Variants in SYT14 observed in about 807,000 individuals in gnomAD.
The protein encoded by SYT14 is synaptotagmin 14, also known as synaptotagmin-14.
SYT14 carries 32 observed loss-of-function variants against 74.2 expected under a neutral mutation model. The ratio of observed to expected loss-of-function variants is 0.43; its 90% CI spans 0.33 to 0.58. SYT14 has a LOEUF of 0.58. Among genes scored for constraint, SYT14 ranks in the 20% least tolerant of loss-of-function variants. The pLI, the probability that SYT14 is intolerant of heterozygous loss-of-function variation, is 0.05. For synonymous variants in SYT14, 298 were observed against 337.7 expected (o/e 0.88, Z 1.29); for missense variants, 791 against 981.8 (o/e 0.81, Z 2.60).
chr1:209,981,169 G>C (rs1001575685), intron 2 of SYT14, among the ~76,000 whole-genome samples: 1 of 151,876 alleles, frequency 6.6e-6, no homozygotes, highest in Non-Finnish European at 1.5e-5. Context: ...ACTTCCCTTA[G>C]CTTTTTGCTT....
At chr1:210,037,389 C>T (rs2080688683) in intron 5 of SYT14, among the ~76,000 whole-genome samples, 1 of 151,878 alleles carries the variant, frequency 6.6e-6, no homozygotes, top group Admixed American at 6.6e-5. Context: ...GTTTCATTTG[C>T]ATGATCCTTT....
chr1:210,113,798 C>T (rs1306640270), intron 7 of SYT14, among the ~76,000 whole-genome samples: 1 of 151,142 alleles, frequency 6.6e-6, no homozygotes, highest in African/African-American at 2.5e-5. Context: ...AATAAGGGAG[C>T]TGGGCAGGTG....
rs35974726 is a variant in SYT14, at chr1:210,169,221, G to GTTTTT, written c.*8205_*8209dup. The stretch of plus-strand genomic sequence containing the variant: ...CTTTTTTGGTTTTTATGTTTTTGGT[G>GTTTTT]TTTTTTTTTTTTTTTTTTTTTTTTT... On this transcript the variant is annotated 3_prime_UTR_variant, in exon 10 of 10. Transcript: ENST00000637265. 6.3e-3 allele frequency: 315 copies of GTTTTT among 50,210 alleles called. 5 individuals are homozygous for GTTTTT. The highest frequency in any genetic ancestry group is 8.1e-3 in the Non-Finnish European group (213 of 26,178). 3.1% of individuals were successfully genotyped at this position (50,210 alleles called of 1,614,324 possible).
intron 7 of SYT14, 119 bp from the exon 7 acceptor site, chr1:210,155,602 G>A: frequency 9.3e-7 from 1 of 1,075,350 alleles, no homozygotes; most frequent in Non-Finnish European, 1.4e-6. Context: ...CTGGTGTTTG[G>A]TTTGCAACTC....
rs763542175 is a variant in SYT14 at position 210,160,919 on chromosome 1, G to GTC, written c.2472_2473insTC (p.Met825SerfsTer2). On this transcript the variant is annotated frameshift_variant, in exon 10 of 10. Transcript: ENST00000637265. LOFTEE classifies it high-confidence loss of function. ...ACAAACGCAGCATGAAAAGAAAAGA[G>GTC]ATGATAGGCTGGATTTCTTTAGGTC... is the stretch of plus-strand genomic sequence containing the variant. The GTC allele has an allele frequency of 6.2e-7, 1 of 1,614,042 alleles. No individual in the cohort carries two copies. The highest frequency in any genetic ancestry group is 1.7e-5 in the Admixed American group (1 of 60,008).
intron 5 of SYT14, among the ~76,000 whole-genome samples, chr1:210,056,659 C>CAAAAAAACAAAAAAAA (rs2081102931): frequency 1.3e-5 from 1 of 79,394 alleles, no homozygotes; most frequent in Non-Finnish European, 2.3e-5. Context: ...ACTAAAAATA[C>CAAAAAAACAAAAAAAA]AAAAAAAAAA....
At chr1:210,099,334 T>C (rs1406722185) in intron 6 of SYT14, among the ~76,000 whole-genome samples, 1 of 152,228 alleles carries the variant, frequency 6.6e-6, no homozygotes, top group Non-Finnish European at 1.5e-5. Context: ...CTTGAACTTT[T>C]AAAATGTGTG....
chr1:210,004,177 G>T (rs779049776), intron 2 of SYT14, among the ~76,000 whole-genome samples: 1 of 151,738 alleles, frequency 6.6e-6, no homozygotes, highest in Admixed American at 6.6e-5. Context: ...TTAGTGTTTG[G>T]CTCCTAATGG....
intron 2 of SYT14, among the ~76,000 whole-genome samples, chr1:210,003,094 C>T (rs1177033785): frequency 6.6e-6 from 1 of 152,114 alleles, no homozygotes; most frequent in Non-Finnish European, 1.5e-5. Flanking sequence ...GATCTATAGT[C>T]TATCTAGAAT....
At chr1:209,984,649 A>G (rs2079541829) in intron 2 of SYT14, among the ~76,000 whole-genome samples, 1 of 152,160 alleles carries the variant, frequency 6.6e-6, no homozygotes, top group African/African-American at 2.4e-5. Context: ...GTTGTCTTTC[A>G]ACATGTGTGT....
At chr1:210,137,489 TC>T (rs2082810755) in intron 7 of SYT14, among the ~76,000 whole-genome samples, 1 of 151,982 alleles carries the variant, frequency 6.6e-6, no homozygotes, top group Non-Finnish European at 1.5e-5. Context: ...GAATTAAGAG[TC>T]CAGAATCCTA....
chr1:210,063,774 G>A (rs1461832934), intron 5 of SYT14, among the ~76,000 whole-genome samples: 2 of 150,246 alleles, frequency 1.3e-5, no homozygotes, highest in Non-Finnish European at 2.9e-5. Flanking sequence ...TTTTTATTGT[G>A]TGATGGACTT....
intron 4 of SYT14, among the ~76,000 whole-genome samples, chr1:210,020,174 A>G (rs1418072647): frequency 6.6e-6 from 1 of 152,102 alleles, no homozygotes; most frequent in African/African-American, 2.4e-5. Context: ...TCATAACATG[A>G]TATTGTAGTT....
intron 5 of SYT14, among the ~76,000 whole-genome samples, chr1:210,088,363 T>A (rs846545): frequency 6.6e-6 from 1 of 151,632 alleles, no homozygotes; most frequent in Non-Finnish European, 1.5e-5. Flanking sequence ...TCCCACTTGC[T>A]GACAGGCCGT....
At chr1:209,981,034 G>C (rs1051460291) in intron 2 of SYT14, among the ~76,000 whole-genome samples, 2 of 152,040 alleles carry the variant, frequency 1.3e-5, no homozygotes, top group African/African-American at 4.8e-5. Flanking sequence ...AAATTACTTT[G>C]GGCAGTATGA....
At chr1:210,072,621 A>G (rs1408460603) in intron 5 of SYT14, among the ~76,000 whole-genome samples, 1 of 152,090 alleles carries the variant, frequency 6.6e-6, no homozygotes, top group African/African-American at 2.4e-5. Context: ...ACTTAGTTTC[A>G]TACTGATACA....
rs556652864 is a variant in SYT14 at position 210,156,438 on chromosome 1, G to A, written c.2224+528G>A. 7.9e-5 allele frequency among the ~76,000 whole-genome samples: 12 copies of A among 151,836 alleles called. No individual in the cohort carries two copies. In the South Asian group the frequency reaches 1.5e-3, roughly 18 times the overall value. ...ACTTTTCTTAGATGGAATGGGCTTTGCTCTTACCAGGACAAACAGAATAAG... is the reference window on the plus strand; with the variant it reads ...ACTTTTCTTAGATGGAATGGGCTTTACTCTTACCAGGACAAACAGAATAAG... On this transcript the variant is annotated intron_variant, in intron 8 of 9. Transcript: ENST00000637265.
intron 8 of SYT14, among the ~76,000 whole-genome samples, 176 bp from the exon 8 acceptor site, chr1:210,159,245 A>G (rs1393010618): frequency 6.6e-6 from 1 of 152,148 alleles, no homozygotes; most frequent in Non-Finnish European, 1.5e-5. Flanking sequence ...ATCCCATTAA[A>G]TTTACCCAAC....
intron 5 of SYT14, among the ~76,000 whole-genome samples, chr1:210,027,811 G>T (rs1286132900): frequency 6.6e-6 from 1 of 152,016 alleles, no homozygotes; most frequent in African/African-American, 2.4e-5. Flanking sequence ...ATCTTTTTAT[G>T]TGATGGGATT....
Sources: gnomAD v4.1 joint callset for allele counts (sites outside exome capture counted in the v4.1 genomes callset) on GRCh38, gnomAD v4.1.1 for gene constraint, MANE v1.5 for transcripts, NCBI Gene and HGNC (gene_info 2026-07-23, HGNC 2026-07-21) for gene names.